ZNRF2: variants seen among roughly 807,000 people sequenced by gnomAD.
The protein encoded by ZNRF2 is E3 ubiquitin-protein ligase ZNRF2.
A neutral mutation model predicts 20.4 loss-of-function variants in ZNRF2; 16 were observed. The observed-to-expected ratio is 0.79, with a 90% CI of 0.53 to 1.19. The LOEUF (loss-of-function observed/expected upper bound fraction) is 1.19, where lower values mean the gene tolerates loss of function less well. Ranked by LOEUF, ZNRF2 falls within the 50% of genes most tolerant of loss-of-function variation. The probability of loss-of-function intolerance (pLI) is 0.00; values close to 1 mark genes in which losing one functional copy is unlikely to be tolerated. For synonymous variants in ZNRF2, 178 were observed against 144.9 expected (o/e 1.23, Z -1.64); for missense variants, 363 against 332.4 (o/e 1.09, Z -0.72).
At chr7:30,362,646 G>A (rs1800144329) in intron 4 of ZNRF2, among the ~76,000 whole-genome samples, 190 bp downstream of exon 4, 2 of 152,196 alleles carry the variant, frequency 1.3e-5, no homozygotes, top group African/African-American at 4.8e-5. Flanking sequence ...GGGTATGCTG[G>A]CTCGCGCCTG....
At chr7:30,309,242 T>C (rs1035020210) in intron 1 of ZNRF2, among the ~76,000 whole-genome samples, 1 of 152,198 alleles carries the variant, frequency 6.6e-6, no homozygotes, top group Non-Finnish European at 1.5e-5. Context: ...TTCTCTGAAC[T>C]CTTCTAATGT....
chr7:30,361,777 G>A (rs1456590107), intron 3 of ZNRF2, among the ~76,000 whole-genome samples: 1 of 151,872 alleles, frequency 6.6e-6, no homozygotes, highest in Non-Finnish European at 1.5e-5. Flanking sequence ...CTACTCTGTT[G>A]GACAGTGCAG....
chr7:30,336,139 T>G (rs1799713304), intron 2 of ZNRF2, among the ~76,000 whole-genome samples: 1 of 152,208 alleles, frequency 6.6e-6, no homozygotes, highest in African/African-American at 2.4e-5. Flanking sequence ...GAATATTTTG[T>G]TGAGTTCAGC....
chr7:30,360,092 TAC>T (rs1431721252), intron 3 of ZNRF2, among the ~76,000 whole-genome samples: 3 of 152,226 alleles, frequency 2.0e-5, no homozygotes, highest in African/African-American at 7.2e-5. Flanking sequence ...ATTCCACCTC[TAC>T]ATATATGCCC....
chr7:30,312,460 G>A (rs749539309), intron 1 of ZNRF2, among the ~76,000 whole-genome samples: 2 of 152,168 alleles, frequency 1.3e-5, no homozygotes, highest in African/African-American at 4.8e-5. Context: ...GCTGTTCAGA[G>A]CTGTCTTTGT....
rs189510553 is a variant in ZNRF2, at chr7:30,295,187, C to T, written c.469+9361C>T. Among the ~76,000 whole-genome samples the T allele has an allele frequency of 4.6e-5, 7 of 151,422 alleles. No homozygotes were observed. The South Asian group carries it at 8.5e-4, about 18-fold the overall frequency. ...GACTCTCTGTACTTCCAACTACATG[C>T]GATCTTTCAGGCCTGAAGGGAGTAC... On this transcript the variant is annotated intron_variant, in intron 1 of 4. Transcript: ENST00000323037.
intron 1 of ZNRF2, among the ~76,000 whole-genome samples, chr7:30,293,024 A>G (rs1798939400): frequency 6.6e-6 from 1 of 152,198 alleles, no homozygotes; most frequent in Admixed American, 6.6e-5. Context: ...GAAAGATAAC[A>G]GTGGCTTGGA....
chr7:30,310,291 T>A (rs1799272156), intron 1 of ZNRF2, among the ~76,000 whole-genome samples: 2 of 152,210 alleles, frequency 1.3e-5, no homozygotes. Flanking sequence ...ACTGGCAGCT[T>A]ACAGATGAGT....
chr7:30,320,771 T>C (rs947381412), intron 1 of ZNRF2, among the ~76,000 whole-genome samples: 1 of 152,226 alleles, frequency 6.6e-6, no homozygotes, highest in African/African-American at 2.4e-5. Flanking sequence ...ATATTGTCCT[T>C]TTGTTTTTGA....
chr7:30,334,571 G>A (rs1313932079), intron 2 of ZNRF2, among the ~76,000 whole-genome samples: 1 of 152,008 alleles, frequency 6.6e-6, no homozygotes, highest in East Asian at 1.9e-4. Flanking sequence ...GATTGCTTTG[G>A]GAGAGGACTC....
At position 30,328,327 on chromosome 7, in the gene ZNRF2, T is replaced by G. The variant is rs148186312; in HGVS notation, c.565+4590T>G. 1.1e-4 allele frequency among the ~76,000 whole-genome samples: 16 copies of G among 152,348 alleles called. No individual in the cohort carries two copies. In the East Asian group the frequency reaches 3.1e-3, roughly 29 times the overall value. ...TTATATTTGAATTCCTACATGTTGATTCCATAGAGAGATACATCAGATACA... is the reference window on the plus strand; with the variant it reads ...TTATATTTGAATTCCTACATGTTGAGTCCATAGAGAGATACATCAGATACA... On this transcript the variant is annotated intron_variant, in intron 2 of 4. Transcript: ENST00000323037.
At chr7:30,321,748 G>A (rs1404545218) in intron 1 of ZNRF2, among the ~76,000 whole-genome samples, 1 of 152,128 alleles carries the variant, frequency 6.6e-6, no homozygotes, top group Non-Finnish European at 1.5e-5. Context: ...AATTTTTTAA[G>A]TTTCAAGGCA....
chr7:30,293,193 G>A (rs1798942544), intron 1 of ZNRF2, among the ~76,000 whole-genome samples: 1 of 151,772 alleles, frequency 6.6e-6, no homozygotes, highest in African/African-American at 2.4e-5. Flanking sequence ...TGTTTGTTTG[G>A]TACAGATGTA....
rs921802656 is a variant in ZNRF2 at position 30,299,276 on chromosome 7, G to A, written c.469+13450G>A. On this transcript the variant is annotated intron_variant, in intron 1 of 4. Coordinates refer to ENST00000323037, the MANE Select transcript of ZNRF2 (RefSeq NM_147128.4). ...AACACTGTCTCTACAAAAATTAGCC[G>A]AGCGTAGTGACGCATGCCTGTAATC... Among the ~76,000 whole-genome samples, 54 of 152,076 alleles carry A rather than the reference G, an allele frequency of 3.6e-4. 1 individual carries two copies. Among genetic ancestry groups the A allele is most frequent in the African/African-American group, 1.2e-3 (48 of 41,496 alleles).
intron 1 of ZNRF2, among the ~76,000 whole-genome samples, chr7:30,322,180 T>G (rs1405160312): frequency 6.6e-6 from 1 of 152,154 alleles, no homozygotes; most frequent in Admixed American, 6.5e-5. Context: ...AAACATACCT[T>G]TATTCCTTTC....
chr7:30,356,951 C>T (rs1202322902), intron 3 of ZNRF2, among the ~76,000 whole-genome samples: 4 of 152,038 alleles, frequency 2.6e-5, no homozygotes, highest in Admixed American at 2.6e-4. Context: ...ATGATGTGCC[C>T]GCCTTGGCCT....
chr7:30,334,849 T>G (rs1287039795), intron 2 of ZNRF2, among the ~76,000 whole-genome samples: 1 of 152,158 alleles, frequency 6.6e-6, no homozygotes, highest in Non-Finnish European at 1.5e-5. Context: ...CATACAAAGT[T>G]TAGATTTGAT....
At chr7:30,310,509 A>C in intron 1 of ZNRF2, among the ~76,000 whole-genome samples, 1 of 152,180 alleles carries the variant, frequency 6.6e-6, no homozygotes, top group East Asian at 1.9e-4. Flanking sequence ...ACAATACATA[A>C]ATGAATGTGT....
chr7:30,340,532 G>A (rs550690693), intron 2 of ZNRF2, among the ~76,000 whole-genome samples: 49 of 151,412 alleles, frequency 3.2e-4, no homozygotes, highest in Admixed American at 1.4e-3. Context: ...TTCTGTTGAT[G>A]TGTACATTTA....
Sources: allele counts gnomAD v4.1 joint callset (sites outside exome capture counted in the v4.1 genomes callset), GRCh38; gene constraint gnomAD v4.1.1; transcripts MANE v1.5; gene names NCBI Gene and HGNC (gene_info 2026-07-23, HGNC 2026-07-21).